The following PDE7B variants were observed in gnomAD, a reference collection of about 807,000 sequenced individuals.
PDE7B encodes 3',5'-cyclic-AMP phosphodiesterase 7B.
A neutral mutation model predicts 56.2 loss-of-function variants in PDE7B; 29 were observed. That is an observed-to-expected ratio of 0.52 (90% CI 0.38 to 0.70). The LOEUF (loss-of-function observed/expected upper bound fraction) is 0.70, where lower values mean the gene tolerates loss of function less well. PDE7B is among the 30% of genes least tolerant of loss of function. The probability of loss-of-function intolerance (pLI) is 0.00; values close to 1 mark genes in which losing one functional copy is unlikely to be tolerated. For synonymous variants in PDE7B, 197 were observed against 196.9 expected, an observed-to-expected ratio of 1.00 and a Z score of 0.00; for missense variants, 490 against 565.0, an observed-to-expected ratio of 0.87 and a Z score of 1.35.
chr6:136,145,886 T>TA (rs1189459965), intron 3 of PDE7B, among the ~76,000 whole-genome samples: 4 of 152,210 alleles, frequency 2.6e-5, no homozygotes, highest in Non-Finnish European at 4.4e-5. Flanking sequence ...TTCAAGTTTT[T>TA]ATCTCAAGCC....
At chr6:136,071,365 C>CGT (rs1273386832) in intron 2 of PDE7B, 2 of 152,186 alleles carry the variant, frequency 1.3e-5, no homozygotes, top group Non-Finnish European at 2.9e-5. Context: ...CAGCTGCCAT[C>CGT]GTCTCTGTAG....
At chr6:135,976,242 A>G (rs780353302) in intron 2 of PDE7B, among the ~76,000 whole-genome samples, 6 of 152,138 alleles carry the variant, frequency 3.9e-5, no homozygotes, top group Non-Finnish European at 5.9e-5. Flanking sequence ...TTTACACTCT[A>G]TTCCTCAAGC....
chr6:135,899,023 C>T (rs991744387), intron 1 of PDE7B, among the ~76,000 whole-genome samples: 1 of 152,062 alleles, frequency 6.6e-6, no homozygotes, highest in South Asian at 2.1e-4. Flanking sequence ...ATGCTGTTCT[C>T]ATGGTAGTGA....
intron 2 of PDE7B, among the ~76,000 whole-genome samples, chr6:136,065,878 C>G (rs906433142): frequency 6.6e-6 from 1 of 152,122 alleles, no homozygotes; most frequent in African/African-American, 2.4e-5. Flanking sequence ...AAGATATGCT[C>G]TTTATTTTTT....
chr6:136,022,365 G>A (rs1241680856), intron 2 of PDE7B, among the ~76,000 whole-genome samples: 1 of 152,106 alleles, frequency 6.6e-6, no homozygotes, highest in East Asian at 1.9e-4. Context: ...GCCCACAGAC[G>A]GTGCTTAGTG....
intron 2 of PDE7B, among the ~76,000 whole-genome samples, chr6:136,058,366 C>T (rs776941789): frequency 1.3e-5 from 2 of 152,184 alleles, no homozygotes; most frequent in Admixed American, 6.5e-5. Context: ...TGCTCACCCA[C>T]AAATGTCCAA....
rs1006057395 is a variant in PDE7B at position 136,195,271 on chromosome 6, C to T, written c.*3431C>T. 1 of 152,092 alleles carries T rather than the reference C, an allele frequency of 6.6e-6. No homozygotes were observed. The allele number at this position is 152,092 out of a possible 1,614,324, so 9.4% of individuals were successfully genotyped here. On this transcript the variant is annotated 3_prime_UTR_variant, in exon 13 of 13. Coordinates refer to ENST00000308191, the MANE Select transcript of PDE7B (RefSeq NM_018945.4). The stretch of plus-strand genomic sequence containing the variant: ...AAGGGACTTGCAGCGTGTCCTGCAA[C>T]TTTGTCTTCAGATAGTGCTTCCTAC...
intron 1 of PDE7B, among the ~76,000 whole-genome samples, chr6:135,874,229 C>T (rs1205863573): frequency 1.3e-5 from 2 of 152,128 alleles, no homozygotes; most frequent in Non-Finnish European, 2.9e-5. Flanking sequence ...CATCTGATGT[C>T]GTGAGTCTCT....
rs562461488 is a variant in PDE7B at position 135,859,432 on chromosome 6, G to T, written c.21+7413G>T. 2.8e-4 allele frequency among the ~76,000 whole-genome samples: 43 copies of T among 152,038 alleles called. No homozygotes were observed. The South Asian group carries it at 8.7e-3, about 31-fold the overall frequency. On this transcript the variant is annotated intron_variant, in intron 1 of 12. Transcript: ENST00000308191. ...TGTTTTTCTAGATCTTCATTATTGT[G>T]TTTGGAGTAAAAAATAATCTTTAAG...
At chr6:135,855,948 C>T (rs1775019421) in intron 1 of PDE7B, among the ~76,000 whole-genome samples, 2 of 152,134 alleles carry the variant, frequency 1.3e-5, no homozygotes, top group African/African-American at 4.8e-5. Context: ...CTGGAGCTTC[C>T]ATTTCTTCAT....
At chr6:135,857,061 C>A (rs1775048438) in intron 1 of PDE7B, among the ~76,000 whole-genome samples, 1 of 135,400 alleles carries the variant, frequency 7.4e-6, no homozygotes, top group Admixed American at 7.5e-5. Flanking sequence ...TCCCTTCCTT[C>A]CTCCCTTCCT....
At chr6:136,105,273 C>A (rs1777628793) in intron 2 of PDE7B, among the ~76,000 whole-genome samples, 1 of 152,146 alleles carries the variant, frequency 6.6e-6, no homozygotes, top group Non-Finnish European at 1.5e-5. Context: ...GGTTTATCAG[C>A]AAACAGCAAT....
intron 2 of PDE7B, among the ~76,000 whole-genome samples, chr6:135,982,150 G>A (rs965133930): frequency 2.0e-5 from 3 of 152,222 alleles, no homozygotes; most frequent in Non-Finnish European, 4.4e-5. Flanking sequence ...TGCCACCCAT[G>A]TTTGTTAAGA....
At chr6:135,983,731 G>A (rs998260943) in intron 2 of PDE7B, among the ~76,000 whole-genome samples, 13 of 152,188 alleles carry the variant, frequency 8.5e-5, no homozygotes, top group African/African-American at 2.2e-4. Context: ...TGCAGTCTAT[G>A]TAAGAAGGAT....
intron 1 of PDE7B, among the ~76,000 whole-genome samples, chr6:135,938,796 G>A (rs764472577): frequency 2.0e-5 from 3 of 152,142 alleles, no homozygotes; most frequent in Non-Finnish European, 4.4e-5. Context: ...TAGCCATATA[G>A]CCTTTCTATT....
chr6:135,895,656 C>A (rs1275718522), intron 1 of PDE7B, among the ~76,000 whole-genome samples: 1 of 152,098 alleles, frequency 6.6e-6, no homozygotes, highest in Non-Finnish European at 1.5e-5. Flanking sequence ...AGACTCATTG[C>A]AACCTGGGAA....
chr6:136,145,781 A>G (rs538158778), intron 3 of PDE7B, among the ~76,000 whole-genome samples: 2 of 152,200 alleles, frequency 1.3e-5, no homozygotes, highest in African/African-American at 4.8e-5. Context: ...CTCTAAACCC[A>G]TCTAAAGTCA....
At chr6:136,025,531 T>A (rs561693928) in intron 2 of PDE7B, among the ~76,000 whole-genome samples, 5 of 152,300 alleles carry the variant, frequency 3.3e-5, no homozygotes, top group African/African-American at 1.2e-4. Flanking sequence ...AATGTCAGAA[T>A]GATTTGCCTG....
At chr6:136,057,208 A>G (rs1376874920) in intron 2 of PDE7B, among the ~76,000 whole-genome samples, 2 of 152,246 alleles carry the variant, frequency 1.3e-5, no homozygotes, top group Non-Finnish European at 2.9e-5. Flanking sequence ...CTGATTACCC[A>G]GAAATATTAA....
Sources: gnomAD v4.1 joint callset for allele counts (sites outside exome capture counted in the v4.1 genomes callset) on GRCh38, gnomAD v4.1.1 for gene constraint, MANE v1.5 for transcripts, NCBI Gene and HGNC (gene_info 2026-07-23, HGNC 2026-07-21) for gene names.